TMEM87A: variants seen among roughly 807,000 people sequenced by gnomAD.
TMEM87A encodes the protein transmembrane protein 87A.
TMEM87A carries 50 observed loss-of-function variants against 90.0 expected under a neutral mutation model. The ratio of observed to expected loss-of-function variants is 0.56; its 90% CI spans 0.44 to 0.70. The LOEUF (loss-of-function observed/expected upper bound fraction) is 0.70. Ranked by LOEUF, TMEM87A falls within the 30% of genes least tolerant of loss-of-function variation. TMEM87A has a pLI of 0.00. For missense variants in TMEM87A, 577 were observed against 660.5 expected (o/e 0.87, Z 1.39); for synonymous variants, 226 against 226.7 (o/e 1.00, Z 0.03).
chr15:42,255,832 C>T (rs536777624), intron 6 of TMEM87A, among the ~76,000 whole-genome samples: 7 of 151,144 alleles, frequency 4.6e-5, no homozygotes, highest in South Asian at 4.2e-4. Flanking sequence ...TACAACGGAA[C>T]GATCTTGGCT....
At chr15:42,235,502 A>G (rs1279530358) in intron 10 of TMEM87A, among the ~76,000 whole-genome samples, 1 of 152,148 alleles carries the variant, frequency 6.6e-6, no homozygotes, top group African/African-American at 2.4e-5. Flanking sequence ...GTAAATCTTC[A>G]ATTCCATCCT....
Position 42,218,313 on chromosome 15 carries a change from A to G in TMEM87A, c.1595+10T>C, listed in dbSNP as rs1566921175. Reference sequence around the variant, plus strand: ...AATAGGATTCTTGTGGTAATCATTCAAAAACTTACACATCTGTCACAGAAG... The same window carrying G: ...AATAGGATTCTTGTGGTAATCATTCGAAAACTTACACATCTGTCACAGAAG... On this transcript the variant is annotated intron_variant, in intron 18 of 19. Transcript: ENST00000389834. 6.2e-7 allele frequency: 1 copy of G among 1,613,538 alleles called. No homozygotes were observed. Among genetic ancestry groups the G allele is most frequent in the Non-Finnish European group, 8.5e-7 (1 of 1,179,642 alleles).
At chr15:42,243,678 C>A (rs2050916584) in intron 7 of TMEM87A, among the ~76,000 whole-genome samples, 1 of 151,886 alleles carries the variant, frequency 6.6e-6, no homozygotes, top group Admixed American at 6.6e-5. Context: ...TGCCACCACA[C>A]CGAGCTAATT....
rs992533988 is a variant in TMEM87A, at chr15:42,227,051, G to A, written c.1300-142C>T. The A allele has an allele frequency of 7.0e-6, 5 of 719,198 alleles. No homozygotes were observed. The African/African-American group carries it at 8.9e-5, about 13-fold the overall frequency. 44.6% of individuals were successfully genotyped at this position (719,198 alleles called of 1,614,324 possible). On this transcript the variant is annotated intron_variant, in intron 14 of 19. Transcript: ENST00000389834. Reference sequence around the variant, plus strand: ...AGCCTGCTACGTGCTCAGTACTGTGGTAAGTGTGGGGAAACAAAGTGAATG... The same window carrying A: ...AGCCTGCTACGTGCTCAGTACTGTGATAAGTGTGGGGAAACAAAGTGAATG...
rs2050792735 is a variant in TMEM87A, at chr15:42,237,520, A to C, written c.780T>G (p.Phe260Leu). The change falls in exon 9 of 20, where the codon TTT (phenylalanine) becomes TTG (leucine). Residue 260 changes from phenylalanine to leucine, a missense_variant. By Grantham distance (22) the Phe-to-Leu change is conservative. Transcript: ENST00000389834. ...CYWRDLLRIQ[F>L]WIGAVIFLGM... ...CCAGGAAGATGACAGCACCAATCCAAAACTGAATTCTCAGGAGATCTCTCC... is the reference window on the plus strand; with the variant it reads ...CCAGGAAGATGACAGCACCAATCCACAACTGAATTCTCAGGAGATCTCTCC... 2.5e-6 allele frequency: 4 copies of C among 1,613,986 alleles called. No homozygotes were observed. Among genetic ancestry groups the C allele is most frequent in the Non-Finnish European group, 3.4e-6 (4 of 1,180,016 alleles).
At chr15:42,262,677 A>C (rs2051319123) in intron 4 of TMEM87A, among the ~76,000 whole-genome samples, 1 of 152,076 alleles carries the variant, frequency 6.6e-6, no homozygotes, top group Admixed American at 6.6e-5. Context: ...TCGGCCTCCC[A>C]AAGTGCTGGG....
At chr15:42,242,178 G>C (rs540966579) in intron 7 of TMEM87A, among the ~76,000 whole-genome samples, 3 of 152,144 alleles carry the variant, frequency 2.0e-5, no homozygotes, top group South Asian at 2.1e-4. Context: ...CAGTGCACGA[G>C]GCCGACTCCA....
intron 6 of TMEM87A, among the ~76,000 whole-genome samples, chr15:42,246,107 T>C (rs1043272198): frequency 4.6e-5 from 7 of 152,226 alleles, no homozygotes; most frequent in African/African-American, 1.7e-4. Context: ...CTTGTCTCCA[T>C]GGAGTCATCT....
chr15:42,242,197 T>G (rs1247358564), intron 7 of TMEM87A, among the ~76,000 whole-genome samples: 1 of 152,082 alleles, frequency 6.6e-6, no homozygotes, highest in Non-Finnish European at 1.5e-5. Flanking sequence ...CATGATCATG[T>G]TGGGCTCTTG....
chr15:42,233,361 G>T, intron 10 of TMEM87A, 55 bp from the exon 11 acceptor site: 2 of 1,356,000 alleles, frequency 1.5e-6, no homozygotes, highest in Non-Finnish European at 2.1e-6. Context: ...GCCGAAACAA[G>T]CTAAGTAACA....
chr15:42,235,927 C>A (rs1156387264), intron 10 of TMEM87A, among the ~76,000 whole-genome samples: 1 of 152,128 alleles, frequency 6.6e-6, no homozygotes, highest in Middle Eastern at 3.2e-3. Flanking sequence ...AGAAGACACT[C>A]CTCAATAAAA....
chr15:42,226,254 C>T (rs2050589784), intron 15 of TMEM87A, among the ~76,000 whole-genome samples: 1 of 151,956 alleles, frequency 6.6e-6, no homozygotes, highest in Non-Finnish European at 1.5e-5. Flanking sequence ...ACTGCCTTGG[C>T]CTCCCAAAGT....
intron 10 of TMEM87A, among the ~76,000 whole-genome samples, chr15:42,234,290 C>A (rs1163906911): frequency 6.6e-6 from 1 of 152,208 alleles, no homozygotes. Flanking sequence ...TCCTACACAA[C>A]CAGAATCCAC....
At chr15:42,231,866 AT>A (rs765884878) in intron 11 of TMEM87A, 1 of 1,278,812 alleles carries the variant, frequency 7.8e-7, no homozygotes, top group Non-Finnish European at 1.0e-6. Context: ...ACAGGCGTCA[AT>A]TGCTGAGAGG....
At chr15:42,267,899 A>C in intron 3 of TMEM87A, 48 bp downstream of exon 3, 1 of 1,454,040 alleles carries the variant, frequency 6.9e-7, no homozygotes, top group Non-Finnish European at 9.6e-7. Flanking sequence ...GACTGGAACC[A>C]GATAATCACT....
chr15:42,260,813 A>G (rs1001005198), intron 6 of TMEM87A, 145 bp downstream of exon 6: 1 of 829,144 alleles, frequency 1.2e-6, no homozygotes, highest in Non-Finnish European at 1.8e-6. Context: ...CAGAGATCCA[A>G]CCATTTTTAA....
chr15:42,244,192 T>C, intron 6 of TMEM87A, 25 bp from the exon 7 acceptor site: 1 of 1,448,092 alleles, frequency 6.9e-7, no homozygotes, highest in African/African-American at 1.5e-5. Context: ...GGGCATCACA[T>C]CTATAAATCT....
chr15:42,257,368 G>A (rs773385309), intron 6 of TMEM87A, among the ~76,000 whole-genome samples: 6 of 151,274 alleles, frequency 4.0e-5, no homozygotes, highest in Non-Finnish European at 5.9e-5. Context: ...TTCCTCTCTT[G>A]CCAGGTGATC....
intron 11 of TMEM87A, 77 bp from the exon 12 acceptor site, chr15:42,231,337 C>T: frequency 1.7e-6 from 2 of 1,204,618 alleles, no homozygotes; most frequent in South Asian, 1.5e-5. Flanking sequence ...CATGATTCTG[C>T]ATTTACATAA....
Sources: gnomAD v4.1 joint callset for allele counts (sites outside exome capture counted in the v4.1 genomes callset) on GRCh38, gnomAD v4.1.1 for gene constraint, MANE v1.5 for transcripts, NCBI Gene and HGNC (gene_info 2026-07-23, HGNC 2026-07-21) for gene names.